The following ENPP2 variants were observed in gnomAD, a reference collection of about 807,000 sequenced individuals.
ENPP2 encodes the protein ectonucleotide pyrophosphatase/phosphodiesterase 2.
In ENPP2, 51 loss-of-function variants were observed where a neutral mutation model predicts 120.2. The observed-to-expected ratio is 0.42, with a 90% confidence interval of 0.34 to 0.54. The LOEUF (loss-of-function observed/expected upper bound fraction) is 0.54. Ranked by LOEUF, ENPP2 falls within the 20% of genes least tolerant of loss-of-function variation. The pLI, the probability that ENPP2 is intolerant of heterozygous loss-of-function variation, is 0.04. For missense variants in ENPP2, 920 were observed against 1,066.5 expected (o/e 0.86, Z 1.91); for synonymous variants, 365 against 366.4 (o/e 1.00, Z 0.04).
At chr8:119,656,736 G>C (rs532746075) in intron 1 of ENPP2, among the ~76,000 whole-genome samples, 1 of 152,198 alleles carries the variant, frequency 6.6e-6, no homozygotes, top group Non-Finnish European at 1.5e-5. Flanking sequence ...AAGGCAGTTA[G>C]AATTATCATA....
chr8:119,587,934 G>A (rs774299030), intron 13 of ENPP2, among the ~76,000 whole-genome samples: 26 of 152,308 alleles, frequency 1.7e-4, no homozygotes, highest in Non-Finnish European at 3.2e-4. Context: ...AATACCAGTG[G>A]AGCAGGCCTT....
At chr8:119,642,175 C>T (rs189016791), upstream of ENPP2, among the ~76,000 whole-genome samples, 13 of 152,054 alleles carry the variant, frequency 8.5e-5, no homozygotes, top group Non-Finnish European at 1.8e-4. Flanking sequence ...GGGGTTTAAA[C>T]GACTTTTTGG....
chr8:119,612,710 C>T (rs554486959), intron 8 of ENPP2, among the ~76,000 whole-genome samples: 2 of 152,164 alleles, frequency 1.3e-5, no homozygotes, highest in East Asian at 3.9e-4. Context: ...GGCAACAAGG[C>T]GAAATGTTGT....
intron 9 of ENPP2, among the ~76,000 whole-genome samples, chr8:119,604,963 G>C (rs532393626): frequency 6.6e-6 from 1 of 151,868 alleles, no homozygotes; most frequent in Admixed American, 6.6e-5. Context: ...TTAGTAGAGA[G>C]GGGGTTTCAC....
Position 119,661,533 on chromosome 8 carries a change from G to A in ENPP2, c.21+11719C>T, listed in dbSNP as rs556916202. 8.9e-4 allele frequency among the ~76,000 whole-genome samples: 136 copies of A among 152,212 alleles called. 1 individual carries two copies. Among genetic ancestry groups the A allele is most frequent in the African/African-American group, 3.2e-3 (132 of 41,542 alleles). On this transcript the variant is annotated intron_variant, in intron 1 of 25. Coordinates refer to the ENPP2 transcript ENST00000427067. ...AAGAAAGACAACAAGTGTTGGCAAG[G>A]GTGTGGAGAAAAGGAAACCCTTGTG...
chr8:119,602,277 G>A (rs1814368035), intron 9 of ENPP2, among the ~76,000 whole-genome samples: 1 of 151,978 alleles, frequency 6.6e-6, no homozygotes, highest in Admixed American at 6.6e-5. Flanking sequence ...GACCAGCATG[G>A]CAAAACCCCG....
Position 119,583,762 on chromosome 8 carries a change from T to G in ENPP2, c.1498A>C (p.Lys500Gln). 1 of 1,603,266 alleles carries G rather than the reference T, an allele frequency of 6.2e-7. No individual in the cohort carries two copies. The highest frequency in any genetic ancestry group is 8.5e-7 in the Non-Finnish European group (1 of 1,171,084). ...TCAATGTTTTCAAATGGAGGCACTT[T>G]AGTCTTGTACTTAAATGTTGAGCCA... ...GYGSTFKYKT[K>Q]VPPFENIELY... Residue 500 changes from lysine (K) to glutamine (Q), a missense_variant, in exon 17 of 25, where the codon AAA becomes CAA. Physicochemically the swap from Lys to Gln is moderately conservative, Grantham distance 53 (BLOSUM62 1). Transcript: ENST00000075322.
chr8:119,582,668 T>A, intron 17 of ENPP2, 66 bp from the exon 18 acceptor site: 1 of 1,172,430 alleles, frequency 8.5e-7, no homozygotes, highest in Non-Finnish European at 1.3e-6. Flanking sequence ...TGGTAAGATT[T>A]AAAACCCTTC....
At chr8:119,558,734 T>G (rs935652688) in intron 24 of ENPP2, among the ~76,000 whole-genome samples, 1 of 152,142 alleles carries the variant, frequency 6.6e-6, no homozygotes, top group Non-Finnish European at 1.5e-5. Flanking sequence ...CCTTTGCAAG[T>G]AATTCCATTC....
chr8:119,624,978 A>G (rs1363974788), intron 3 of ENPP2, among the ~76,000 whole-genome samples: 2 of 152,234 alleles, frequency 1.3e-5, no homozygotes, highest in African/African-American at 2.4e-5. Context: ...ATAAGATATT[A>G]TATCCCATCC....
chr8:119,659,332 A>AC (rs1311145207), intron 1 of ENPP2, among the ~76,000 whole-genome samples: 2 of 151,154 alleles, frequency 1.3e-5, no homozygotes, highest in East Asian at 1.9e-4. Context: ...AAAAAAAAAA[A>AC]AAAAACCAGA....
At chr8:119,651,496 G>A (rs1173325520) in intron 1 of ENPP2, among the ~76,000 whole-genome samples, 1 of 152,136 alleles carries the variant, frequency 6.6e-6, no homozygotes, top group Non-Finnish European at 1.5e-5. Flanking sequence ...TATTAAGTGG[G>A]GGAATCATCT....
intron 9 of ENPP2, among the ~76,000 whole-genome samples, chr8:119,604,216 C>T (rs565687811): frequency 1.8e-4 from 28 of 151,948 alleles, no homozygotes; most frequent in East Asian, 7.7e-4. Flanking sequence ...TTAGTAGAGA[C>T]GGGGTTTCAC....
chr8:119,658,410 A>G (rs1817828139), intron 1 of ENPP2, among the ~76,000 whole-genome samples: 1 of 152,222 alleles, frequency 6.6e-6, no homozygotes, highest in Admixed American at 6.5e-5. Flanking sequence ...AGCTAGGACT[A>G]CAGACATGTG....
chr8:119,612,714 A>C (rs907058536), intron 8 of ENPP2, among the ~76,000 whole-genome samples: 17 of 152,214 alleles, frequency 1.1e-4, no homozygotes, highest in African/African-American at 4.1e-4. Flanking sequence ...ACAAGGCGAA[A>C]TGTTGTCTCT....
At chr8:119,672,479 T>G (rs1475102854) in intron 1 of ENPP2, among the ~76,000 whole-genome samples, 1 of 151,998 alleles carries the variant, frequency 6.6e-6, no homozygotes, top group Non-Finnish European at 1.5e-5. Flanking sequence ...TGACCCCCTC[T>G]CCGCACCTGA....
intron 22 of ENPP2, among the ~76,000 whole-genome samples, chr8:119,565,819 C>T (rs1017242944): frequency 2.6e-5 from 4 of 152,100 alleles, no homozygotes; most frequent in Non-Finnish European, 4.4e-5. Flanking sequence ...TCCCCCATAT[C>T]GTAGCCAGAC....
exon 1 of ENPP2, chr8:119,673,281 A>G: frequency 6.5e-7 from 1 of 1,535,110 alleles, no homozygotes; most frequent in Non-Finnish European, 8.7e-7. Context: ...ATGCTGCGGG[A>G]GTCTCGGCGT....
chr8:119,616,212 T>G, intron 8 of ENPP2, 53 bp downstream of exon 8: 3 of 1,510,810 alleles, frequency 2.0e-6, no homozygotes, highest in Non-Finnish European at 2.7e-6. Flanking sequence ...GGATGAAATG[T>G]CTCAATACAT....
Sources: gnomAD v4.1 joint callset for allele counts (sites outside exome capture counted in the v4.1 genomes callset) on GRCh38, gnomAD v4.1.1 for gene constraint, MANE v1.5 for transcripts, NCBI Gene and HGNC (gene_info 2026-07-23, HGNC 2026-07-21) for gene names.